Variants in CYB5A observed in about 807,000 individuals in gnomAD.
CYB5A encodes cytochrome b5.
Under a neutral mutation model 16.2 loss-of-function variants are expected in CYB5A, and 10 were observed. That is an observed-to-expected ratio of 0.62 (90% CI 0.38 to 1.04). The LOEUF (loss-of-function observed/expected upper bound fraction) is 1.04, where lower values mean the gene tolerates loss of function less well. Among genes scored for constraint, CYB5A ranks in the 50% least tolerant of loss-of-function variants. The pLI is 0.01. For synonymous variants in CYB5A, 62 were observed against 57.0 expected (o/e 1.09, Z -0.40); for missense variants, 161 against 165.9 (o/e 0.97, Z 0.16).
At position 74,276,797 on chromosome 18, in the gene CYB5A, G is replaced by T. The variant is rs115136797; in HGVS notation, c.130-13320C>A. Among the ~76,000 whole-genome samples the T allele has an allele frequency of 8.3e-3, 1,265 of 152,278 alleles. 4 individuals carry two copies. The highest frequency in any genetic ancestry group is 0.037 in the South Asian group (178 of 4,824). ...TAAGAGGAGAGCCACTTTAACAGGCGTCTAAGTCGAGATGATTCCCGTGTC... is the reference window on the plus strand; with the variant it reads ...TAAGAGGAGAGCCACTTTAACAGGCTTCTAAGTCGAGATGATTCCCGTGTC... On this transcript the variant is annotated intron_variant, in intron 1 of 4. Coordinates refer to ENST00000340533, the MANE Select transcript of CYB5A (RefSeq NM_148923.4).
intron 3 of CYB5A, chr18:74,259,229 C>T (rs1293735490): frequency 6.6e-6 from 1 of 152,182 alleles, no homozygotes; most frequent in Non-Finnish European, 1.5e-5. Flanking sequence ...ACAAGCTGAT[C>T]AAGTATCAAC....
At chr18:74,283,215 A>C (rs1983185904) in intron 1 of CYB5A, among the ~76,000 whole-genome samples, 1 of 152,200 alleles carries the variant, frequency 6.6e-6, no homozygotes, top group Admixed American at 6.5e-5. Flanking sequence ...AGCGGGACCC[A>C]CTGAGGGATT....
intron 1 of CYB5A, among the ~76,000 whole-genome samples, chr18:74,277,573 A>G (rs1982928316): frequency 6.6e-6 from 1 of 152,218 alleles, no homozygotes; most frequent in South Asian, 2.1e-4. Flanking sequence ...TCTAGTAAGG[A>G]AACTGACATG....
In CYB5A at chr18:74,284,144, T is replaced by A. The variant is rs528662587; in HGVS notation, c.129+7603A>T. Reference sequence around the variant, plus strand: ...TACTTGGGAGGCTGAGGCAAGAGAATCGCTTGAACTTGGGAGGTGGAAGGT... The same window carrying A: ...TACTTGGGAGGCTGAGGCAAGAGAAACGCTTGAACTTGGGAGGTGGAAGGT... On this transcript the variant is annotated intron_variant, in intron 1 of 4. Coordinates refer to ENST00000340533, the MANE Select transcript of CYB5A (RefSeq NM_148923.4). Among the ~76,000 whole-genome samples the A allele has an allele frequency of 2.7e-5, 4 of 148,206 alleles. No individual in the cohort carries two copies. The East Asian group carries it at 8.0e-4, about 30-fold the overall frequency.
At chr18:74,277,230 C>T (rs1982916334) in intron 1 of CYB5A, among the ~76,000 whole-genome samples, 1 of 152,206 alleles carries the variant, frequency 6.6e-6, no homozygotes, top group African/African-American at 2.4e-5. Flanking sequence ...TGCTGTTTTT[C>T]TAAGACGGGA....
Position 74,259,823 on chromosome 18 carries a change from ACAG to A in CYB5A, c.288+1089_288+1091del, listed in dbSNP as rs1314861289. 2.0e-5 allele frequency: 3 copies of A among 152,348 alleles called. No individual in the cohort carries two copies. The East Asian group carries it at 5.8e-4, about 29-fold the overall frequency. The allele number at this position is 152,348 out of a possible 1,614,324, so 9.4% of individuals were successfully genotyped here. ...AAAGATGCTAAAGTCAAATGAACTC[ACAG>A]CAAGGATTCTAAGCAATTGTCACAG... On this transcript the variant is annotated intron_variant, in intron 3 of 4. Transcript: ENST00000340533.
chr18:74,256,863 T>C (rs1300723912), intron 3 of CYB5A: 1 of 1,612,942 alleles, frequency 6.2e-7, no homozygotes, highest in Non-Finnish European at 8.5e-7. Context: ...CCTGACACAG[T>C]AGGGGAAAAA....
intron 4 of CYB5A, among the ~76,000 whole-genome samples, chr18:74,254,458 A>C (rs1325925848): frequency 6.7e-6 from 1 of 149,832 alleles, no homozygotes; most frequent in Non-Finnish European, 1.5e-5. Context: ...ATTTCGATCT[A>C]TAAATTACAG....
chr18:74,291,785 G>A lies in CYB5A; in HGVS notation c.91C>T (p.His31Tyr). 6.2e-7 allele frequency: 1 copy of A among 1,613,850 alleles called. No homozygotes were observed. Among genetic ancestry groups the A allele is most frequent in the South Asian group, 1.1e-5 (1 of 91,078 alleles). The part of the protein sequence containing the change: ...NHSKSTWLIL[H>Y]HKVYDLTKFL... ...TTGGTCAAATCGTACACCTTGTGGT[G>A]CAGGATCAGCCAGGTGCTCTTGCTG... is the stretch of plus-strand genomic sequence containing the variant. Residue 31 changes from histidine (H) to tyrosine (Y), a missense_variant, in exon 1 of 5, where the codon CAC becomes TAC. Coordinates refer to ENST00000340533, the MANE Select transcript of CYB5A (RefSeq NM_148923.4).
chr18:74,288,880 G>T (rs1013578336), intron 1 of CYB5A, among the ~76,000 whole-genome samples: 1 of 152,182 alleles, frequency 6.6e-6, no homozygotes, highest in South Asian at 2.1e-4. Flanking sequence ...GGAAAAACAC[G>T]TCCATAAGAG....
At position 74,276,349 on chromosome 18, in the gene CYB5A, T is replaced by C. The variant is rs59561083; in HGVS notation, c.130-12872A>G. 2.0e-3 allele frequency among the ~76,000 whole-genome samples: 298 copies of C among 152,278 alleles called. 2 individuals carry two copies. The highest frequency in any genetic ancestry group is 6.9e-3 in the African/African-American group (285 of 41,550). ...TTTTTTTCTGAACATGCAAATAAAG[T>C]GACCATTTTTACATTTCTGAACAAA... On this transcript the variant is annotated intron_variant, in intron 1 of 4. Coordinates refer to ENST00000340533, the MANE Select transcript of CYB5A (RefSeq NM_148923.4).
intron 1 of CYB5A, among the ~76,000 whole-genome samples, chr18:74,282,333 G>A (rs1261753102): frequency 6.6e-6 from 1 of 152,116 alleles, no homozygotes; most frequent in Non-Finnish European, 1.5e-5. Context: ...TTCCATCCTG[G>A]GAAGTTACTT....
chr18:74,254,581 A>G (rs994617920), intron 4 of CYB5A, among the ~76,000 whole-genome samples: 8 of 151,062 alleles, frequency 5.3e-5, no homozygotes, highest in African/African-American at 2.0e-4. Flanking sequence ...GTGCAGTGGC[A>G]CGATCTTGGC....
intron 1 of CYB5A, among the ~76,000 whole-genome samples, chr18:74,266,158 C>G (rs1982424673): frequency 6.6e-6 from 1 of 152,160 alleles, no homozygotes; most frequent in African/African-American, 2.4e-5. Flanking sequence ...AAAGCCAACC[C>G]GAAACTTCTG....
rs1007236332 is a variant in CYB5A, at chr18:74,291,629, G to A, written c.129+118C>T. 36 of 1,471,788 alleles carry A rather than the reference G, an allele frequency of 2.4e-5. No individual in the cohort carries two copies. The African/African-American group carries it at 4.9e-4, about 20-fold the overall frequency. The allele number at this position is 1,471,788 out of a possible 1,614,324, so 91.2% of individuals were successfully genotyped here. A position where few individuals can be genotyped will look rare whatever the true frequency, so the allele number is the denominator to read the frequency against. ...CGTACACGCGCAGGTGAGCGAACTCGGGGGGCGCGCCTAGGCGTAGGTATG... is the reference window on the plus strand; with the variant it reads ...CGTACACGCGCAGGTGAGCGAACTCAGGGGGCGCGCCTAGGCGTAGGTATG... On this transcript the variant is annotated intron_variant, in intron 1 of 4. Coordinates refer to ENST00000340533, the MANE Select transcript of CYB5A (RefSeq NM_148923.4).
chr18:74,261,725 C>A (rs1013757050), intron 2 of CYB5A: 1 of 152,562 alleles, frequency 6.6e-6, no homozygotes, highest in African/African-American at 2.4e-5. Context: ...GAGCCTTCTA[C>A]AAAGAACCTA....
intron 2 of CYB5A, among the ~76,000 whole-genome samples, chr18:74,261,982 C>T (rs901428733): frequency 3.3e-5 from 5 of 152,152 alleles, no homozygotes; most frequent in Non-Finnish European, 7.3e-5. Flanking sequence ...GTGGACAGGG[C>T]AGCTGAGTGT....
At chr18:74,263,521 A>G (rs775695049) in intron 1 of CYB5A, 44 bp from the exon 2 acceptor site, 65 of 1,587,378 alleles carry the variant, frequency 4.1e-5, no homozygotes, top group Non-Finnish European at 5.5e-5. Context: ...TTTCAGGCAA[A>G]TGAATTAAGA....
intron 1 of CYB5A, among the ~76,000 whole-genome samples, chr18:74,271,462 G>A (rs762569465): frequency 1.3e-5 from 2 of 152,126 alleles, no homozygotes; most frequent in African/African-American, 2.4e-5. Context: ...ATCCCACAGT[G>A]CAGTTTGATG....
Sources: allele counts gnomAD v4.1 joint callset (sites outside exome capture counted in the v4.1 genomes callset), GRCh38; gene constraint gnomAD v4.1.1; transcripts MANE v1.5; gene names NCBI Gene and HGNC (gene_info 2026-07-23, HGNC 2026-07-21).